Variants in CIMIP2A observed in about 807,000 individuals in gnomAD.
CIMIP2A encodes ciliary microtubule inner protein 2A, also known as family with sequence similarity 166 member A.
the CIMIP2A span, chr9:137,244,968 G>A: frequency 1.1e-5 from 18 of 1,604,516 alleles, no homozygotes; most frequent in East Asian, 8.9e-5. Flanking sequence ...CCCCCAGGCC[G>A]CTAGCCTGTT....
At chr9:137,248,544 A>G in the CIMIP2A span, among the ~76,000 whole-genome samples, 1 of 7,132 alleles carries the variant, frequency 1.4e-4, no homozygotes, top group Non-Finnish European at 7.8e-4. Context: ...CTCTGTCTCA[A>G]AAAAAAAAAA....
the CIMIP2A span, chr9:137,252,488 C>T: frequency 6.2e-7 from 1 of 1,610,308 alleles, no homozygotes; most frequent in Non-Finnish European, 8.5e-7. Flanking sequence ...AGCGAAAGCC[C>T]CTTCACGCAG....
chr9:137,248,419 T>C, the CIMIP2A span, among the ~76,000 whole-genome samples: 1 of 151,632 alleles, frequency 6.6e-6, no homozygotes, highest in East Asian at 1.9e-4. Flanking sequence ...GGCGTGCGCC[T>C]GTAGTCCCAG....
the CIMIP2A span, chr9:137,244,762 A>G: frequency 6.2e-7 from 1 of 1,606,582 alleles, no homozygotes; most frequent in Non-Finnish European, 8.5e-7. Flanking sequence ...TGTACGGGCT[A>G]CCCCAAGCCC....
chr9:137,245,319 G>T, the CIMIP2A span: 1 of 1,588,542 alleles, frequency 6.3e-7, no homozygotes. Context: ...GGTGCTGCCT[G>T]GGGGCCTCGC....
At chr9:137,251,591 A>T in the CIMIP2A span, 6 of 994,238 alleles carry the variant, frequency 6.0e-6, no homozygotes, top group Non-Finnish European at 8.3e-6. Flanking sequence ...GGGAGCGGCC[A>T]GGGGCTGAGG....
the CIMIP2A span, chr9:137,252,999 G>A: frequency 3.2e-6 from 5 of 1,562,624 alleles, no homozygotes; most frequent in Non-Finnish European, 3.5e-6. Flanking sequence ...GGCTAGGGAT[G>A]GGGCATGGGT....
At chr9:137,251,527 G>A in the CIMIP2A span, 1 of 970,834 alleles carries the variant, frequency 1.0e-6, no homozygotes. Context: ...AGGCTGTGGG[G>A]CAGGCGGCTG....
chr9:137,251,184 G>A, the CIMIP2A span: 21 of 897,064 alleles, frequency 2.3e-5, no homozygotes, highest in Non-Finnish European at 3.4e-5. Context: ...CCCCTCCAGG[G>A]CCAGACAATG....
At chr9:137,246,781 G>A in the CIMIP2A span, among the ~76,000 whole-genome samples, 4 of 151,866 alleles carry the variant, frequency 2.6e-5, no homozygotes, top group African/African-American at 4.8e-5. Context: ...AAAAAAAGCC[G>A]AGCAACTTCC....
chr9:137,252,732 A>G, the CIMIP2A span: 45 of 1,554,510 alleles, frequency 2.9e-5, no homozygotes, highest in Non-Finnish European at 3.6e-5. Flanking sequence ...AGAGGCTGCC[A>G]CTCCGCTTCC....
the CIMIP2A span, chr9:137,253,460 C>A: frequency 7.0e-7 from 1 of 1,434,254 alleles, no homozygotes; most frequent in Non-Finnish European, 9.1e-7. Flanking sequence ...CCCCGCTACA[C>A]TGAGATGCTG....
the CIMIP2A span, chr9:137,245,684 C>T: frequency 6.2e-7 from 1 of 1,605,008 alleles, no homozygotes; most frequent in African/African-American, 1.3e-5. Flanking sequence ...TGGCAGGGAA[C>T]CCTCGGGGGC....
At chr9:137,249,070 A>C in the CIMIP2A span, among the ~76,000 whole-genome samples, 1 of 151,224 alleles carries the variant, frequency 6.6e-6, no homozygotes, top group African/African-American at 2.4e-5. Flanking sequence ...GTTAGCCAGG[A>C]TGGTCTCGAA....
chr9:137,253,527 C>T, the CIMIP2A span: 1 of 1,406,206 alleles, frequency 7.1e-7, no homozygotes, highest in Non-Finnish European at 9.2e-7. Context: ...GGGGGCGGTC[C>T]TAGAGATATG....
At chr9:137,244,662 C>G in the CIMIP2A span, 3 of 1,613,916 alleles carry the variant, frequency 1.9e-6, no homozygotes, top group Non-Finnish European at 2.5e-6. Context: ...TCGAATTCGT[C>G]CATGGCTTGC....
the CIMIP2A span, chr9:137,251,953 G>A: frequency 3.1e-6 from 5 of 1,596,824 alleles, no homozygotes; most frequent in Admixed American, 5.2e-5. Flanking sequence ...GCTGTGGGAG[G>A]GGCCCGCTGA....
the CIMIP2A span, chr9:137,251,526 G>A: frequency 1.0e-6 from 1 of 979,382 alleles, no homozygotes; most frequent in Non-Finnish European, 1.5e-6. Context: ...CAGGCTGTGG[G>A]GCAGGCGGCT....
At chr9:137,245,236 C>T in the CIMIP2A span, 37 of 1,573,814 alleles carry the variant, frequency 2.4e-5, no homozygotes, top group Middle Eastern at 3.4e-4. Context: ...GGGGAGGAAG[C>T]GGAGGTCACG....
Sources: allele counts gnomAD v4.1 joint callset (sites outside exome capture counted in the v4.1 genomes callset), GRCh38; gene constraint gnomAD v4.1.1; transcripts MANE v1.5; gene names NCBI Gene and HGNC (gene_info 2026-07-23, HGNC 2026-07-21).